Variants in COL5A1 observed in about 807,000 individuals in gnomAD.
COL5A1 encodes the protein collagen alpha-1(V) chain.
In COL5A1, 16 loss-of-function variants were observed where a neutral mutation model predicts 263.7. The ratio of observed to expected loss-of-function variants is 0.06; its 90% CI spans 0.04 to 0.09. COL5A1 has a LOEUF of 0.09. Among genes scored for constraint, COL5A1 ranks in the 10% least tolerant of loss-of-function variants. The probability of loss-of-function intolerance (pLI) is 1.00; values close to 1 mark genes in which losing one functional copy is unlikely to be tolerated. For synonymous variants in COL5A1, 1,012 were observed against 1,004.5 expected, an observed-to-expected ratio of 1.01 and a Z score of -0.14; for missense variants, 2,036 against 2,540.5, an observed-to-expected ratio of 0.80 and a Z score of 4.27.
intron 1 of COL5A1, among the ~76,000 whole-genome samples, chr9:134,672,282 AAAG>A (rs1409099629): frequency 6.6e-6 from 1 of 152,244 alleles, no homozygotes; most frequent in African/African-American, 2.4e-5. Context: ...AAAGTATAAA[AAAG>A]AAGATGAAAA....
At chr9:134,786,590 G>T (rs577293105) in intron 31 of COL5A1, among the ~76,000 whole-genome samples, 1 of 152,278 alleles carries the variant, frequency 6.6e-6, no homozygotes, top group Non-Finnish European at 1.5e-5. Context: ...CGATTTGAAG[G>T]CTATTTGCTC....
At chr9:134,772,272 C>G (rs114295566) in intron 25 of COL5A1, among the ~76,000 whole-genome samples, 2,208 of 152,354 alleles carry the variant, frequency 0.014, 63 homozygotes, top group African/African-American at 0.049. Flanking sequence ...ATCAGAGATT[C>G]CAAGGTTTGC....
intron 65 of COL5A1, among the ~76,000 whole-genome samples, chr9:134,837,718 G>A (rs1462861336): frequency 6.6e-6 from 1 of 151,898 alleles, no homozygotes. Flanking sequence ...CTGGGGAAGT[G>A]TGGCCATTGG....
At chr9:134,797,456 G>A (rs1033459864) in intron 36 of COL5A1, among the ~76,000 whole-genome samples, 16 of 151,942 alleles carry the variant, frequency 1.1e-4, no homozygotes, top group Admixed American at 2.0e-4. Flanking sequence ...GTGGACTTCC[G>A]TCTGTGTCTC....
At chr9:134,790,885 G>A (rs1197863984) in intron 32 of COL5A1, among the ~76,000 whole-genome samples, 4 of 152,066 alleles carry the variant, frequency 2.6e-5, no homozygotes, top group East Asian at 1.9e-4. Context: ...AGAGTGTCTG[G>A]GAGAGGATAT....
Position 134,682,597 on chromosome 9 carries a change from C to A in COL5A1, c.110-8315C>A, listed in dbSNP as rs983630591. Among the ~76,000 whole-genome samples, 36 of 152,190 alleles carry A rather than the reference C, an allele frequency of 2.4e-4. No homozygotes were observed. The highest frequency in any genetic ancestry group is 8.0e-4 in the African/African-American group (33 of 41,442). ...CTGCCCAGGAAGGGCGCAGGAATCC[C>A]GGAGGTCAGGCAGGTGGGCGAGTCA... On this transcript the variant is annotated intron_variant, in intron 1 of 65. Transcript: ENST00000371817. This position sits in a 1 kb window ranked among gnomAD's most constrained non-coding sequence, Gnocchi z 5.1.
At chr9:134,787,121 G>A (rs1837489503) in intron 31 of COL5A1, among the ~76,000 whole-genome samples, 1 of 152,254 alleles carries the variant, frequency 6.6e-6, no homozygotes, top group Admixed American at 6.5e-5. Context: ...GTCACTGAAT[G>A]TGGTCAAAGG....
intron 37 of COL5A1, among the ~76,000 whole-genome samples, chr9:134,800,821 G>C (rs139665115): frequency 6.6e-6 from 1 of 151,726 alleles, no homozygotes; most frequent in East Asian, 1.9e-4. Context: ...TTGGTGTGAG[G>C]TTTTGCCTCT....
At chr9:134,725,133 C>T (rs1431666277) in intron 4 of COL5A1, among the ~76,000 whole-genome samples, 1 of 152,152 alleles carries the variant, frequency 6.6e-6, no homozygotes, top group Admixed American at 6.5e-5. Context: ...TCTCCAGGAC[C>T]GGAGCACCTG....
At position 134,750,889 on chromosome 9, in the gene COL5A1, A is replaced by T; in HGVS notation, c.1662+7A>T. The T allele has an allele frequency of 1.2e-6, 2 of 1,610,906 alleles. No homozygotes were observed. Among genetic ancestry groups the T allele is most frequent in the South Asian group, 2.2e-5 (2 of 90,892 alleles). The stretch of plus-strand genomic sequence containing the variant: ...CATTCTCCAGCAGGCCAGGGTGAGT[A>T]CTGCTGGGTCCCAAGAGGCCTGAAG... On this transcript the variant is annotated splice_region_variant and intron_variant, in intron 13 of 65. Transcript: ENST00000371817.
Position 134,816,879 on chromosome 9 carries a change from A to AG in COL5A1, c.4123-145dup, listed in dbSNP as rs1329198332. On this transcript the variant is annotated intron_variant, in intron 52 of 65. Coordinates refer to ENST00000371817, the MANE Select transcript of COL5A1 (RefSeq NM_000093.5). ...CACAGCCCGGGTGCGACACTGTCTT[A>AG]GGACCCTCTGTGCTAGCCCCAAAAG... 1.3e-5 allele frequency: 10 copies of AG among 745,896 alleles called. No homozygotes were observed. The African/African-American group carries it at 1.7e-4, about 13-fold the overall frequency. 46.2% of individuals were successfully genotyped at this position (745,896 alleles called of 1,614,324 possible). A position where few individuals can be genotyped will look rare whatever the true frequency, so the allele number is the denominator to read the frequency against.
At chr9:134,810,125 C>A in intron 43 of COL5A1, 130 bp from the exon 44 acceptor site, 1 of 940,906 alleles carries the variant, frequency 1.1e-6, no homozygotes, top group Non-Finnish European at 1.8e-6. Context: ...AACATTTATT[C>A]GTAGGAAAGT....
At chr9:134,778,449 C>T (rs192025186) in intron 27 of COL5A1, among the ~76,000 whole-genome samples, 17 of 152,210 alleles carry the variant, frequency 1.1e-4, no homozygotes, top group South Asian at 8.3e-4. Context: ...TGTGTTTGTC[C>T]GGCGCTTCCT....
At chr9:134,649,938 A>T (rs1198994393) in intron 1 of COL5A1, among the ~76,000 whole-genome samples, 1 of 152,084 alleles carries the variant, frequency 6.6e-6, no homozygotes, top group Non-Finnish European at 1.5e-5. Flanking sequence ...CAAGAACAGA[A>T]AACCACAAAC....
chr9:134,711,546 G>A (rs1834042479), intron 4 of COL5A1, among the ~76,000 whole-genome samples: 1 of 152,124 alleles, frequency 6.6e-6, no homozygotes, highest in African/African-American at 2.4e-5. Flanking sequence ...GGGGGCTGGT[G>A]CAGTGGCCAC....
At position 134,789,132 on chromosome 9, in the gene COL5A1, C is replaced by T. The variant is rs754768658; in HGVS notation, c.2647-23C>T. The T allele has an allele frequency of 6.2e-7, 1 of 1,611,474 alleles. No homozygotes were observed. Among genetic ancestry groups the T allele is most frequent in the African/African-American group, 1.3e-5 (1 of 74,972 alleles). On this transcript the variant is annotated intron_variant, in intron 31 of 65. Transcript: ENST00000371817. The surrounding 1 kb of genome is among the most constrained non-coding windows in gnomAD (Gnocchi z 4.8). Reference sequence around the variant, plus strand: ...CTCATTCCTGGCCCAGCTCTGATGCCTCCTCCTTAAACTCTCTTTCAGGGC... The same window carrying T: ...CTCATTCCTGGCCCAGCTCTGATGCTTCCTCCTTAAACTCTCTTTCAGGGC...
chr9:134,731,001 C>T (rs530265856), intron 7 of COL5A1, among the ~76,000 whole-genome samples: 110 of 152,344 alleles, frequency 7.2e-4, no homozygotes, highest in Non-Finnish European at 1.4e-3. Flanking sequence ...TCGCGGTTCT[C>T]CTTTCCAACA....
chr9:134,682,471 A>T lies in COL5A1; in HGVS notation c.110-8441A>T, dbSNP rs1307451037. On this transcript the variant is annotated intron_variant, in intron 1 of 65. Transcript: ENST00000371817. The surrounding 1 kb of genome is among the most constrained non-coding windows in gnomAD (Gnocchi z 5.1). The stretch of plus-strand genomic sequence containing the variant: ...ACCCCAGGACCGACGGAGCCAGCCC[A>T]GTGCCAGGGACAGAGTTGGAAATAA... Among the ~76,000 whole-genome samples the T allele has an allele frequency of 2.6e-5, 4 of 152,210 alleles. No homozygotes were observed. The highest frequency in any genetic ancestry group is 9.6e-5 in the African/African-American group (4 of 41,458).
At chr9:134,733,581 A>G (rs999641882) in intron 9 of COL5A1, among the ~76,000 whole-genome samples, 5 of 152,214 alleles carry the variant, frequency 3.3e-5, no homozygotes, top group African/African-American at 1.2e-4. Flanking sequence ...CAGAGGCATG[A>G]AAGGAGACTC....
Sources: allele counts gnomAD v4.1 joint callset (sites outside exome capture counted in the v4.1 genomes callset), GRCh38; gene constraint gnomAD v4.1.1; non-coding constraint Gnocchi (gnomAD v3.1); transcripts MANE v1.5; gene names NCBI Gene and HGNC (gene_info 2026-07-23, HGNC 2026-07-21).